VAV2: variants seen among roughly 807,000 people sequenced by gnomAD.
The protein encoded by VAV2 is guanine nucleotide exchange factor VAV2.
VAV2 carries 67 observed loss-of-function variants against 132.5 expected under a neutral mutation model. The ratio of observed to expected loss-of-function variants is 0.51; its 90% CI spans 0.42 to 0.62. VAV2 has a LOEUF of 0.62. Ranked by LOEUF, VAV2 falls within the 20% of genes least tolerant of loss-of-function variation. The probability of loss-of-function intolerance (pLI) is 0.00; values close to 1 mark genes in which losing one functional copy is unlikely to be tolerated. For missense variants in VAV2, 938 were observed against 1,153.6 expected (o/e 0.81, Z 2.71); for synonymous variants, 492 against 443.5 (o/e 1.11, Z -1.37).
chr9:133,886,109 G>C (rs1838692977), intron 2 of VAV2, among the ~76,000 whole-genome samples: 1 of 152,196 alleles, frequency 6.6e-6, no homozygotes, highest in Non-Finnish European at 1.5e-5. Flanking sequence ...AGAAACCAGG[G>C]GTGAAGGGGC....
intron 4 of VAV2, among the ~76,000 whole-genome samples, chr9:133,817,730 C>T (rs1048431575): frequency 2.0e-5 from 3 of 152,232 alleles, no homozygotes; most frequent in Non-Finnish European, 2.9e-5. Context: ...GTAGAGTGTT[C>T]ATTTCAGATA....
At position 133,834,887 on chromosome 9, in the gene VAV2, A is replaced by C. The variant is rs1217197080; in HGVS notation, c.381-547T>G. Among the ~76,000 whole-genome samples, 1 of 152,128 alleles carries C rather than the reference A, an allele frequency of 6.6e-6. No homozygotes were observed. The highest frequency in any genetic ancestry group is 1.5e-5 in the Non-Finnish European group (1 of 68,020). ...GCTTGAGGTCAGGAAGAGAGTCCCG[A>C]AAATGAAAAGCCCTCGGACCTTCCG... On this transcript the variant is annotated intron_variant, in intron 3 of 29. Coordinates refer to ENST00000371850, the MANE Select transcript of VAV2 (RefSeq NM_001134398.2). The surrounding 1 kb of genome is among the most constrained non-coding windows in gnomAD (Gnocchi z 5.9).
intron 17 of VAV2, among the ~76,000 whole-genome samples, chr9:133,785,201 G>A (rs1041948569): frequency 1.3e-5 from 2 of 152,164 alleles, no homozygotes; most frequent in Non-Finnish European, 2.9e-5. Context: ...TCAGAGAGGC[G>A]AGTGCACCTG....
In VAV2 at chr9:133,850,488, GAACA is replaced by G. The variant is rs1251583538; in HGVS notation, c.380+10882_380+10885del. 2.6e-5 allele frequency among the ~76,000 whole-genome samples: 4 copies of G among 152,318 alleles called. No homozygotes were observed. The East Asian group carries it at 7.7e-4, about 29-fold the overall frequency. On this transcript the variant is annotated intron_variant, in intron 3 of 29. Transcript: ENST00000371850. ...ATGAGGAACGAATGAGGGAATGAGG[GAACA>G]AACAAATAAAGAAACAAATGGACGG...
intron 2 of VAV2, among the ~76,000 whole-genome samples, chr9:133,898,667 C>T (rs1391817210): frequency 6.6e-6 from 1 of 152,156 alleles, no homozygotes; most frequent in East Asian, 1.9e-4. Flanking sequence ...AGTTGAATGG[C>T]GAGGTAGCTG....
At chr9:133,835,153 G>C (rs548469102) in intron 3 of VAV2, among the ~76,000 whole-genome samples, 2 of 152,228 alleles carry the variant, frequency 1.3e-5, no homozygotes, top group African/African-American at 4.8e-5. Context: ...AATTATAATT[G>C]TTTTTCTCCT....
At chr9:133,848,655 C>T (rs1316298733) in intron 3 of VAV2, among the ~76,000 whole-genome samples, 3 of 152,256 alleles carry the variant, frequency 2.0e-5, no homozygotes, top group Admixed American at 1.3e-4. Context: ...CATGTGCTGG[C>T]AGGCACGGGC....
intron 2 of VAV2, among the ~76,000 whole-genome samples, chr9:133,927,036 C>T (rs560363355): frequency 6.6e-6 from 1 of 152,310 alleles, no homozygotes; most frequent in South Asian, 2.1e-4. Flanking sequence ...AGGTGCCCAC[C>T]CAGCATCCAG....
chr9:133,774,893 C>T, intron 25 of VAV2, 42 bp downstream of exon 25: 6 of 1,564,096 alleles, frequency 3.8e-6, no homozygotes, highest in Non-Finnish European at 5.3e-6. Flanking sequence ...TTCAGAACGG[C>T]ATTGGGGGAT....
In VAV2 at chr9:133,991,705, G is replaced by C. The variant is rs1588241215; in HGVS notation, c.204+370C>G. Among the ~76,000 whole-genome samples, 1 of 151,430 alleles carries C rather than the reference G, an allele frequency of 6.6e-6. No individual in the cohort carries two copies. The highest frequency in any genetic ancestry group is 2.4e-5 in the African/African-American group (1 of 41,362). ...CGCGAGGCCCAAGGATGCGACCCAC[G>C]ACGCGCACACCCGGCTCGGCAGGCT... On this transcript the variant is annotated intron_variant, in intron 1 of 29. Coordinates refer to ENST00000371850, the MANE Select transcript of VAV2 (RefSeq NM_001134398.2). This position sits in a 1 kb window ranked among gnomAD's most constrained non-coding sequence, Gnocchi z 4.8.
chr9:133,906,935 C>T (rs1418822791), intron 2 of VAV2, among the ~76,000 whole-genome samples: 6 of 152,216 alleles, frequency 3.9e-5, no homozygotes, highest in Non-Finnish European at 8.8e-5. Context: ...ACATAGAGAC[C>T]TGCAGGAGCA....
rs1221431210 is a variant in VAV2 at position 133,824,694 on chromosome 9, C to A, written c.449+9578G>T. On this transcript the variant is annotated intron_variant, in intron 4 of 29. Coordinates refer to ENST00000371850, the MANE Select transcript of VAV2 (RefSeq NM_001134398.2). This position sits in a 1 kb window ranked among gnomAD's most constrained non-coding sequence, Gnocchi z 5.2. ...GGGCCCACAACGGGGTCCCAGGTCC[C>A]AGGTCTGTGGGGCAGGGAGGGCTCC... Among the ~76,000 whole-genome samples the A allele has an allele frequency of 6.6e-6, 1 of 151,966 alleles. No homozygotes were observed. Among genetic ancestry groups the A allele is most frequent in the Admixed American group, 6.6e-5 (1 of 15,266 alleles).
chr9:133,989,475 G>A (rs1253631568), intron 1 of VAV2, among the ~76,000 whole-genome samples: 1 of 150,874 alleles, frequency 6.6e-6, no homozygotes, highest in African/African-American at 2.4e-5. Flanking sequence ...AGCCGGGACC[G>A]TGCCACCGCA....
intron 1 of VAV2, among the ~76,000 whole-genome samples, chr9:133,990,945 C>G (rs967246056): frequency 2.0e-5 from 3 of 152,168 alleles, no homozygotes; most frequent in Non-Finnish European, 4.4e-5. Flanking sequence ...GCCCCCCAAC[C>G]CGGCAGAGAA....
At position 133,764,252 on chromosome 9, in the gene VAV2, G is replaced by T. The variant is rs144251610; in HGVS notation, c.2590-143C>A. 1.5e-3 allele frequency: 1,511 copies of T among 1,031,584 alleles called. 10 individuals carry two copies. The African/African-American group carries it at 0.021, about 14-fold the overall frequency. The allele number at this position is 1,031,584 out of a possible 1,614,324, so 63.9% of individuals were successfully genotyped here. ...AGTCCAGAGTTCTCAGAAGGACCTG[G>T]TGGAACCATTGCCTGGGAGTAAGAG... On this transcript the variant is annotated intron_variant, in intron 29 of 29. Transcript: ENST00000371850.
intron 2 of VAV2, among the ~76,000 whole-genome samples, chr9:133,877,409 A>G (rs1838306329): frequency 6.6e-6 from 1 of 152,092 alleles, no homozygotes; most frequent in African/African-American, 2.4e-5. Flanking sequence ...ACTGCCAGGA[A>G]CCTTCTTGGA....
chr9:133,963,277 C>G (rs1233709084), intron 1 of VAV2, among the ~76,000 whole-genome samples: 1 of 152,146 alleles, frequency 6.6e-6, no homozygotes, highest in Non-Finnish European at 1.5e-5. Context: ...TCAGCAGAGT[C>G]AGCAGCCCAG....
At chr9:133,813,003 C>T (rs1835416130) in intron 4 of VAV2, among the ~76,000 whole-genome samples, 1 of 152,208 alleles carries the variant, frequency 6.6e-6, no homozygotes, top group South Asian at 2.1e-4. Context: ...CCCCTCCCCA[C>T]ACTGGGCTTC....
Position 133,824,947 on chromosome 9 carries a change from C to T in VAV2, c.449+9325G>A, listed in dbSNP as rs573087377. ...TCTTGACAGAGGGACCCTCCGGGGA[C>T]GCTGGCTTCATTCACTCCATTCTGC... On this transcript the variant is annotated intron_variant, in intron 4 of 29. Coordinates refer to ENST00000371850, the MANE Select transcript of VAV2 (RefSeq NM_001134398.2). The surrounding 1 kb of genome is among the most constrained non-coding windows in gnomAD (Gnocchi z 5.2). 5.9e-5 allele frequency among the ~76,000 whole-genome samples: 9 copies of T among 152,320 alleles called. No homozygotes were observed. Among genetic ancestry groups the T allele is most frequent in the Admixed American group, 6.5e-5 (1 of 15,308 alleles).
Sources: gnomAD v4.1 joint callset for allele counts (sites outside exome capture counted in the v4.1 genomes callset) on GRCh38, gnomAD v4.1.1 for gene constraint, Gnocchi (gnomAD v3.1) non-coding constraint, MANE v1.5 for transcripts, NCBI Gene and HGNC (gene_info 2026-07-23, HGNC 2026-07-21) for gene names.